Variants in FGF13 observed in about 807,000 individuals in gnomAD.
FGF13 encodes fibroblast growth factor homologous factor 2.
In FGF13, 2 loss-of-function variants were observed where a neutral mutation model predicts 19.5. The ratio of observed to expected loss-of-function variants is 0.10; its 90% CI spans 0.04 to 0.32. FGF13 has a LOEUF of 0.32. Ranked by LOEUF, FGF13 falls within the 10% of genes least tolerant of loss-of-function variation. The pLI, the probability that FGF13 is intolerant of heterozygous loss-of-function variation, is 1.00. For missense variants in FGF13, 113 were observed against 192.7 expected, an observed-to-expected ratio of 0.59 and a Z score of 2.45; for synonymous variants, 72 against 76.9, an observed-to-expected ratio of 0.94 and a Z score of 0.33.
At chrX:139,004,161 G>A (rs581034) in intron 1 of FGF13, among the ~76,000 whole-genome samples, 4,789 of 112,808 alleles carry the variant, frequency 0.042, 110 homozygotes, top group East Asian at 0.13. Context: ...CAGGTCCCGA[G>A]CCCTGCCCCG....
intron 1 of FGF13, among the ~76,000 whole-genome samples, chrX:138,968,279 C>G (rs1004757209): frequency 3.6e-5 from 4 of 112,140 alleles, no homozygotes; most frequent in African/African-American, 1.3e-4. Flanking sequence ...ATATTCATTT[C>G]TCCCATACTT....
intron 3 of FGF13, among the ~76,000 whole-genome samples, chrX:138,683,087 A>T (rs1280871379): frequency 9.0e-6 from 1 of 111,601 alleles, no homozygotes; most frequent in Non-Finnish European, 1.9e-5. Flanking sequence ...GTTCTGTCCT[A>T]TTCCCTCATA....
At chrX:138,719,684 T>C (rs2090134230) in intron 1 of FGF13, among the ~76,000 whole-genome samples, 2 of 112,477 alleles carry the variant, frequency 1.8e-5, no homozygotes, top group Admixed American at 9.4e-5. Flanking sequence ...GAGAAAAATA[T>C]TATACACAGT....
At chrX:139,068,952 G>C (rs1186715675) in intron 1 of FGF13, among the ~76,000 whole-genome samples, 1 of 109,550 alleles carries the variant, frequency 9.1e-6, no homozygotes, top group Non-Finnish European at 1.9e-5. Context: ...TCATTAAAAA[G>C]TCAGGAAACA....
intron 1 of FGF13, among the ~76,000 whole-genome samples, chrX:139,014,776 A>G (rs1389236450): frequency 2.7e-5 from 3 of 111,622 alleles, no homozygotes; most frequent in East Asian, 2.8e-4. Context: ...AATGAAAACT[A>G]TAGGCCACTA....
In FGF13 at chrX:138,787,887, A is replaced by C. The variant is rs1273551763; in HGVS notation, c.217+69625T>G. On this transcript the variant is annotated intron_variant, in intron 3 of 6. Transcript: ENST00000436198. ...TTACCTGCCAAAGACCACACCTCCT[A>C]ATACCATCACATTGGGATTGGATTT... 4.5e-5 allele frequency among the ~76,000 whole-genome samples: 5 copies of C among 111,456 alleles called. 1 individual carries two copies. Among genetic ancestry groups the C allele is most frequent in the African/African-American group, 1.6e-4 (5 of 30,600 alleles).
chrX:138,848,574 T>C (rs772741675), intron 3 of FGF13, among the ~76,000 whole-genome samples: 8 of 112,133 alleles, frequency 7.1e-5, no homozygotes, highest in Non-Finnish European at 1.3e-4. Context: ...AATGAGGACA[T>C]AGAATGAAAT....
At chrX:139,161,151 A>G (rs952687269) in intron 1 of FGF13, among the ~76,000 whole-genome samples, 1 of 112,162 alleles carries the variant, frequency 8.9e-6, no homozygotes, top group African/African-American at 3.2e-5. Context: ...ATCCACCACG[A>G]TCAAGTGGGC....
Position 138,840,921 on chromosome X carries a change from T to G in FGF13, c.217+16591A>C, listed in dbSNP as rs977052890. 6.3e-5 allele frequency among the ~76,000 whole-genome samples: 7 copies of G among 111,285 alleles called. 1 individual carries two copies. The highest frequency in any genetic ancestry group is 2.0e-4 in the African/African-American group (6 of 30,661). Reference sequence around the variant, plus strand: ...TAGGTTCATGAAAGCATTAGGTCCCTGAAGTCAAGATTTGAGGCACTAAAA... The same window carrying G: ...TAGGTTCATGAAAGCATTAGGTCCCGGAAGTCAAGATTTGAGGCACTAAAA... On this transcript the variant is annotated intron_variant, in intron 3 of 6. Coordinates refer to the FGF13 transcript ENST00000436198.
intron 1 of FGF13, among the ~76,000 whole-genome samples, chrX:139,108,726 G>A (rs1358661599): frequency 9.1e-6 from 1 of 110,220 alleles, no homozygotes; most frequent in Non-Finnish European, 1.9e-5. Context: ...GTGTAGGTTT[G>A]TTACATACGT....
chrX:138,629,076 A>G lies in FGF13; in HGVS notation c.*3774T>C, dbSNP rs757238862. On this transcript the variant is annotated 3_prime_UTR_variant, in exon 5 of 5. Transcript: ENST00000315930. ...GCCATGCCATAGAACACTGACATTA[A>G]GTGCTGTGGCATAGAACAGTAGGTA... 8.9e-6 allele frequency: 1 copy of G among 112,105 alleles called. No homozygotes were observed. The highest frequency in any genetic ancestry group is 9.5e-5 in the Admixed American group (1 of 10,561). The allele number at this position is 112,105 out of a possible 1,213,427, so 9.2% of individuals were successfully genotyped here. A position where few individuals can be genotyped will look rare whatever the true frequency, so the allele number is the denominator to read the frequency against.
At chrX:138,826,987 T>C (rs2091038789) in intron 3 of FGF13, among the ~76,000 whole-genome samples, 1 of 112,124 alleles carries the variant, frequency 8.9e-6, no homozygotes, top group African/African-American at 3.2e-5. Flanking sequence ...AATTGTAACA[T>C]GGGGGAGCAT....
intron 1 of FGF13, among the ~76,000 whole-genome samples, chrX:138,872,575 C>A (rs756888762): frequency 6.2e-5 from 7 of 112,180 alleles, no homozygotes; most frequent in Admixed American, 2.8e-4. Flanking sequence ...TGTGTGAATC[C>A]AGATTTCCTC....
chrX:138,657,993 T>C (rs2089453904), intron 3 of FGF13, among the ~76,000 whole-genome samples: 2 of 112,024 alleles, frequency 1.8e-5, no homozygotes, highest in African/African-American at 6.5e-5. Context: ...ATATTTATTA[T>C]GCTTAACTGG....
At chrX:138,958,099 G>T (rs1432587629) in intron 1 of FGF13, among the ~76,000 whole-genome samples, 1 of 111,909 alleles carries the variant, frequency 8.9e-6, no homozygotes, top group African/African-American at 3.2e-5. Flanking sequence ...TCCCTGCCTT[G>T]TGCCAGTTTT....
At chrX:138,672,501 A>G (rs909827367) in intron 3 of FGF13, among the ~76,000 whole-genome samples, 4 of 112,136 alleles carry the variant, frequency 3.6e-5, no homozygotes, top group African/African-American at 1.3e-4. Context: ...TGACCTAAGC[A>G]AATGGAAGGA....
chrX:139,132,399 C>G (rs1456453742), intron 1 of FGF13, among the ~76,000 whole-genome samples: 1 of 112,322 alleles, frequency 8.9e-6, no homozygotes, highest in Non-Finnish European at 1.9e-5. Context: ...GCACTTCTAT[C>G]AAAATCAAGG....
At chrX:139,140,486 C>T (rs1243445197) in intron 1 of FGF13, among the ~76,000 whole-genome samples, 2 of 111,626 alleles carry the variant, frequency 1.8e-5, no homozygotes, top group African/African-American at 3.3e-5. Flanking sequence ...TTCTTCCAGT[C>T]TCCTAATGTA....
chrX:138,720,324 G>A (rs1054971151), intron 1 of FGF13, among the ~76,000 whole-genome samples: 1 of 111,831 alleles, frequency 8.9e-6, no homozygotes, highest in African/African-American at 3.2e-5. Flanking sequence ...TTTAAGCGAG[G>A]ACTTATTGTA....
Sources: gnomAD v4.1 joint callset for allele counts (sites outside exome capture counted in the v4.1 genomes callset) on GRCh38, gnomAD v4.1.1 for gene constraint, MANE v1.5 for transcripts, NCBI Gene and HGNC (gene_info 2026-07-23, HGNC 2026-07-21) for gene names.